Variants in SLC13A5 observed in about 807,000 individuals in gnomAD.
The protein encoded by SLC13A5 is Na(+)/citrate cotransporter.
SLC13A5 carries 25 observed loss-of-function variants against 56.5 expected under a neutral mutation model. The observed-to-expected ratio is 0.44, with a 90% confidence interval of 0.32 to 0.62. The LOEUF (loss-of-function observed/expected upper bound fraction) is 0.62. SLC13A5 is among the 20% of genes least tolerant of loss of function. The probability of loss-of-function intolerance (pLI) is 0.04; values close to 1 mark genes in which losing one functional copy is unlikely to be tolerated. For missense variants in SLC13A5, 649 were observed against 737.8 expected, an observed-to-expected ratio of 0.88 and a Z score of 1.39; for synonymous variants, 307 against 301.5, an observed-to-expected ratio of 1.02 and a Z score of -0.19.
chr17:6,686,324 G>A lies in SLC13A5; in HGVS notation c.1590C>T (p.Val530=). The change falls in exon 12 of 12, where the codon GTC becomes GTT. Residue 530 remains valine, a synonymous_variant. Coordinates refer to ENST00000433363, the MANE Select transcript of SLC13A5 (RefSeq NM_177550.5). ...AGAAGACTCCAATTATGTTCATTATGACTCCTGTTTTCACCTGGAAAAGAG... is the reference window on the plus strand; with the variant it reads ...AGAAGACTCCAATTATGTTCATTATAACTCCTGTTTTCACCTGGAAAAGAG... ...LKVADMVKTG[V]IMNIIGVFCV... is the part of the protein sequence containing the mutation. 1 of 1,614,082 alleles carries A rather than the reference G, an allele frequency of 6.2e-7. No homozygotes were observed. The highest frequency in any genetic ancestry group is 1.1e-5 in the South Asian group (1 of 91,066).
rs111949694 is a variant in SLC13A5, at chr17:6,710,762, C to CTGTGTGTGTG, written c.102+2460_102+2469dup. Among the ~76,000 whole-genome samples, 841 of 148,448 alleles carry CTGTGTGTGTG rather than the reference C, an allele frequency of 5.7e-3. 12 individuals carry two copies. Among genetic ancestry groups the CTGTGTGTGTG allele is most frequent in the African/African-American group, 0.017 (681 of 40,508 alleles). On this transcript the variant is annotated intron_variant, in intron 1 of 11. Coordinates refer to ENST00000433363, the MANE Select transcript of SLC13A5 (RefSeq NM_177550.5). ...AATGAAAAAATGCAGGCAAAACCTA[C>CTGTGTGTGTG]TGTGTGTGTGTGTGTGTGTGTGTGT...
At chr17:6,694,516 G>A (rs946902222) in intron 7 of SLC13A5, among the ~76,000 whole-genome samples, 1 of 152,170 alleles carries the variant, frequency 6.6e-6, no homozygotes, top group Non-Finnish European at 1.5e-5. Flanking sequence ...TACTCGGCAG[G>A]CTGAGGCAGG....
chr17:6,691,991 C>G (rs979512372), intron 9 of SLC13A5, among the ~76,000 whole-genome samples: 2 of 152,224 alleles, frequency 1.3e-5, no homozygotes, highest in Non-Finnish European at 2.9e-5. Flanking sequence ...CTGAAATGCC[C>G]TTTCATATAT....
chr17:6,694,206 G>C lies in SLC13A5; in HGVS notation c.1056-9C>G. 6.4e-7 allele frequency: 1 copy of C among 1,558,608 alleles called. No individual in the cohort carries two copies. On this transcript the variant is annotated splice_polypyrimidine_tract_variant and intron_variant, in intron 7 of 11. Transcript: ENST00000433363. ...TGGCATCGGAGACATACCTAGGTGG[G>C]GAAAAGCACAGCTCATCTGCGACAG...
chr17:6,699,695 T>G (rs1973658712), intron 6 of SLC13A5, among the ~76,000 whole-genome samples: 2 of 152,208 alleles, frequency 1.3e-5, no homozygotes, highest in South Asian at 4.1e-4. Flanking sequence ...GGTCTCGAGC[T>G]CCTGACCTCA....
Position 6,713,333 on chromosome 17 carries a change from TCGCG to T in SLC13A5, c.-4_-1del, listed in dbSNP as rs773979094. On this transcript the variant is annotated 5_prime_UTR_variant, in exon 1 of 12. Transcript: ENST00000433363. This position sits in a 1 kb window ranked among gnomAD's most constrained non-coding sequence, Gnocchi z 7.3. ...GAGACATAGCTCAGCGCCGAGGCCA[TCGCG>T]CGGGAGGGAGACTGGCGGGCGAGAC... The T allele has an allele frequency of 6.2e-7, 1 of 1,613,354 alleles. No homozygotes were observed. Among genetic ancestry groups the T allele is most frequent in the South Asian group, 1.1e-5 (1 of 91,052 alleles).
chr17:6,685,378 C>T lies in SLC13A5; in HGVS notation c.*829G>A, dbSNP rs1425107962. On this transcript the variant is annotated 3_prime_UTR_variant, in exon 12 of 12. Transcript: ENST00000433363. The surrounding 1 kb of genome is among the most constrained non-coding windows in gnomAD (Gnocchi z 4.2). ...GCATCTCCCAGAAAAGATGACCTGC[C>T]TGGGAGAAAAGGGGGACCCCAGAGG... The T allele has an allele frequency of 1.3e-5, 2 of 152,212 alleles. No individual in the cohort carries two copies. Among genetic ancestry groups the T allele is most frequent in the Admixed American group, 6.5e-5 (1 of 15,284 alleles). 9.4% of individuals were successfully genotyped at this position (152,212 alleles called of 1,614,324 possible).
chr17:6,706,661 C>T lies in SLC13A5; in HGVS notation c.349G>A (p.Val117Met). The change falls in exon 3 of 12, where the codon GTG becomes ATG. Residue 117 changes from valine to methionine, a missense_variant. Coordinates refer to ENST00000433363, the MANE Select transcript of SLC13A5 (RefSeq NM_177550.5). ...KRIALRTLLW[V>M]GAKPARLMLG... is the part of the protein sequence containing the mutation. Reference sequence around the variant, plus strand: ...AATTACCGTGCAGGCTTGGCCCCCACCCAGAGGAGCGTGCGCAGGGCGATC... The same window carrying T: ...AATTACCGTGCAGGCTTGGCCCCCATCCAGAGGAGCGTGCGCAGGGCGATC... The T allele has an allele frequency of 6.2e-7, 1 of 1,613,880 alleles. No homozygotes were observed. The highest frequency in any genetic ancestry group is 1.1e-5 in the South Asian group (1 of 90,998).
At chr17:6,690,210 C>T (rs578183039) in intron 10 of SLC13A5, 5 of 156,898 alleles carry the variant, frequency 3.2e-5, no homozygotes, top group Non-Finnish European at 7.1e-5. Flanking sequence ...TTCCCACAAC[C>T]GACAGCTACC....
At chr17:6,706,280 C>T (rs956751861) in intron 3 of SLC13A5, among the ~76,000 whole-genome samples, 1 of 152,158 alleles carries the variant, frequency 6.6e-6, no homozygotes, top group African/African-American at 2.4e-5. Context: ...AGTTGAGCCA[C>T]TTCTGGCCTG....
chr17:6,693,985 C>G (rs535399200), intron 8 of SLC13A5, 112 bp downstream of exon 8: 1 of 524,682 alleles, frequency 1.9e-6, no homozygotes, highest in South Asian at 5.5e-5. Flanking sequence ...TGTAGCCAAT[C>G]CTCTTGGATA....
intron 1 of SLC13A5, 50 bp from the exon 2 acceptor site, chr17:6,707,206 A>C: frequency 6.2e-7 from 1 of 1,603,980 alleles, no homozygotes; most frequent in Non-Finnish European, 8.5e-7. Context: ...CCCTCTCCCC[A>C]CCCCCAGAAC....
chr17:6,693,596 A>C (rs945420475), intron 8 of SLC13A5: 1 of 160,132 alleles, frequency 6.2e-6, no homozygotes, highest in Non-Finnish European at 1.4e-5. Flanking sequence ...CTATAACAGG[A>C]GAATGATTAC....
chr17:6,703,657 G>A (rs218675), intron 4 of SLC13A5, among the ~76,000 whole-genome samples: 3 of 152,098 alleles, frequency 2.0e-5, no homozygotes, highest in Non-Finnish European at 4.4e-5. Context: ...GGGAACTGAG[G>A]GTGAGACTTT....
chr17:6,702,039 A>T (rs1361554364), intron 5 of SLC13A5, among the ~76,000 whole-genome samples: 1 of 152,170 alleles, frequency 6.6e-6, no homozygotes, highest in Non-Finnish European at 1.5e-5. Flanking sequence ...AACTGTAAGG[A>T]TATCATTACA....
At chr17:6,694,486 C>T (rs926925009) in intron 7 of SLC13A5, among the ~76,000 whole-genome samples, 1 of 152,090 alleles carries the variant, frequency 6.6e-6, no homozygotes, top group Non-Finnish European at 1.5e-5. Context: ...GACATGCTGG[C>T]GGGCGCCTGT....
Position 6,687,966 on chromosome 17 carries a change from A to T in SLC13A5, c.1438-300T>A. 4.2e-6 allele frequency: 1 copy of T among 240,374 alleles called. No individual in the cohort carries two copies. The highest frequency in any genetic ancestry group is 7.9e-6 in the Non-Finnish European group (1 of 126,232). 14.9% of individuals were successfully genotyped at this position (240,374 alleles called of 1,614,324 possible). On this transcript the variant is annotated intron_variant, in intron 10 of 11. Coordinates refer to ENST00000433363, the MANE Select transcript of SLC13A5 (RefSeq NM_177550.5). This position sits in a 1 kb window ranked among gnomAD's most constrained non-coding sequence, Gnocchi z 5.0. ...GTACTTAGACTGTGCTCAACCTTAC[A>T]GTGCCGCGTGCACATGTCTGTCTGT... is the stretch of plus-strand genomic sequence containing the variant.
chr17:6,701,221 G>A lies in SLC13A5; in HGVS notation c.717-95C>T. 6.5e-7 allele frequency: 1 copy of A among 1,538,990 alleles called. No homozygotes were observed. Among genetic ancestry groups the A allele is most frequent in the South Asian group, 1.2e-5 (1 of 83,088 alleles). ...ACGGAGCAGCAGCTGGGCCCTGAGA[G>A]GCGCGCCTGTGTGGAGGCCACATCC... On this transcript the variant is annotated intron_variant, in intron 5 of 11. Coordinates refer to ENST00000433363, the MANE Select transcript of SLC13A5 (RefSeq NM_177550.5). The surrounding 1 kb of genome is among the most constrained non-coding windows in gnomAD (Gnocchi z 4.1).
Position 6,693,039 on chromosome 17 carries a change from G to A in SLC13A5, c.1275+5C>T. 6.2e-7 allele frequency: 1 copy of A among 1,613,126 alleles called. No homozygotes were observed. Among genetic ancestry groups the A allele is most frequent in the Non-Finnish European group, 8.5e-7 (1 of 1,179,068 alleles). On this transcript the variant is annotated splice_donor_5th_base_variant and intron_variant, in intron 9 of 11. Transcript: ENST00000433363. ...CTCTGGGCAGCCTGTGGCTGGAGAAGTTACCTCGGATCCTTTAGCCAGAGC... is the reference window on the plus strand; with the variant it reads ...CTCTGGGCAGCCTGTGGCTGGAGAAATTACCTCGGATCCTTTAGCCAGAGC...
Sources: gnomAD v4.1 joint callset for allele counts (sites outside exome capture counted in the v4.1 genomes callset) on GRCh38, gnomAD v4.1.1 for gene constraint, Gnocchi (gnomAD v3.1) non-coding constraint, MANE v1.5 for transcripts, NCBI Gene and HGNC (gene_info 2026-07-23, HGNC 2026-07-21) for gene names.